CACNA2D3: variants seen among roughly 807,000 people sequenced by gnomAD.
The protein encoded by CACNA2D3 is voltage-dependent calcium channel subunit alpha-2/delta-3.
A neutral mutation model predicts 160.6 loss-of-function variants in CACNA2D3; 60 were observed. The ratio of observed to expected loss-of-function variants is 0.37; its 90% confidence interval spans 0.30 to 0.46. The LOEUF (loss-of-function observed/expected upper bound fraction) is 0.46, where lower values mean the gene tolerates loss of function less well. CACNA2D3 is among the 20% of genes least tolerant of loss of function. The probability of loss-of-function intolerance (pLI) is 1.00; values close to 1 mark genes in which losing one functional copy is unlikely to be tolerated. For synonymous variants in CACNA2D3, 558 were observed against 492.9 expected (o/e 1.13, Z -1.75); for missense variants, 1,205 against 1,365.0 (o/e 0.88, Z 1.85).
chr3:55,008,489 A>G (rs1242797789), intron 33 of CACNA2D3, among the ~76,000 whole-genome samples: 1 of 152,188 alleles, frequency 6.6e-6, no homozygotes, highest in Admixed American at 6.5e-5. Flanking sequence ...AAACTCTCTC[A>G]TTCTTATTTC....
In CACNA2D3 at chr3:54,752,789, A is replaced by G. The variant is rs766528798; in HGVS notation, c.1246+112A>G. On this transcript the variant is annotated intron_variant, in intron 12 of 37. Transcript: ENST00000474759. ...AATAATTCTAAGATAAAGTCTGGGT[A>G]TATCTAAGTGATTACTGATAGACTT... The G allele has an allele frequency of 1.1e-4, 83 of 722,908 alleles. No homozygotes were observed. In the Middle Eastern group the frequency reaches 3.6e-3, roughly 31 times the overall value. The allele number at this position is 722,908 out of a possible 1,614,324, so 44.8% of individuals were successfully genotyped here.
intron 27 of CACNA2D3, among the ~76,000 whole-genome samples, chr3:54,947,290 C>A (rs1701640380): frequency 6.6e-6 from 1 of 152,056 alleles, no homozygotes; most frequent in South Asian, 2.1e-4. Flanking sequence ...TTCCAGTAGA[C>A]CAAGAAACAG....
chr3:54,490,660 G>T (rs1296823529), intron 4 of CACNA2D3, among the ~76,000 whole-genome samples: 1 of 152,220 alleles, frequency 6.6e-6, no homozygotes, highest in Non-Finnish European at 1.5e-5. Flanking sequence ...CTCCACAGAT[G>T]CTGGGAAGGA....
intron 2 of CACNA2D3, among the ~76,000 whole-genome samples, chr3:54,292,417 A>G (rs1028930590): frequency 1.3e-5 from 2 of 152,232 alleles, no homozygotes; most frequent in Admixed American, 6.5e-5. Context: ...GAAAATATTT[A>G]GAAATTATAT....
At chr3:55,060,287 A>G (rs371860130) in intron 35 of CACNA2D3, among the ~76,000 whole-genome samples, 2 of 152,182 alleles carry the variant, frequency 1.3e-5, no homozygotes, top group East Asian at 3.9e-4. Flanking sequence ...CATTTTAGGT[A>G]AAGACTATCA....
chr3:54,978,347 A>G (rs1442889249), intron 29 of CACNA2D3, among the ~76,000 whole-genome samples: 2 of 152,144 alleles, frequency 1.3e-5, no homozygotes, highest in African/African-American at 4.8e-5. Context: ...AGGGATAAAG[A>G]TGCATCTTCT....
intron 4 of CACNA2D3, among the ~76,000 whole-genome samples, chr3:54,497,999 G>T (rs1230275808): frequency 6.7e-6 from 1 of 148,450 alleles, no homozygotes; most frequent in African/African-American, 2.5e-5. Flanking sequence ...TTAAAATTTT[G>T]TTAAGATTTT....
intron 11 of CACNA2D3, among the ~76,000 whole-genome samples, chr3:54,729,222 C>T (rs1701336934): frequency 6.6e-6 from 1 of 152,108 alleles, no homozygotes; most frequent in Admixed American, 6.5e-5. Context: ...CACCCAGCCT[C>T]ATATTCTTCC....
At chr3:54,160,981 G>C (rs891571874) in intron 2 of CACNA2D3, among the ~76,000 whole-genome samples, 1 of 152,216 alleles carries the variant, frequency 6.6e-6, no homozygotes, top group Non-Finnish European at 1.5e-5. Context: ...AGTCCAGTGT[G>C]GGGAGGCAGC....
chr3:54,246,369 C>T (rs1435256156), intron 2 of CACNA2D3, among the ~76,000 whole-genome samples: 2 of 152,152 alleles, frequency 1.3e-5, no homozygotes, highest in African/African-American at 2.4e-5. Context: ...GATGCTCGAA[C>T]AATTTTTCCT....
intron 2 of CACNA2D3, among the ~76,000 whole-genome samples, chr3:54,196,567 A>C (rs1576992455): frequency 1.3e-5 from 2 of 152,238 alleles, no homozygotes; most frequent in African/African-American, 4.8e-5. Flanking sequence ...GACAAACGGA[A>C]TCTGGAAGAA....
At chr3:54,286,706 G>T (rs368563091) in intron 2 of CACNA2D3, among the ~76,000 whole-genome samples, 1 of 152,224 alleles carries the variant, frequency 6.6e-6, no homozygotes, top group Non-Finnish European at 1.5e-5. Context: ...ACAAAGGGAA[G>T]CGCATCAGAC....
intron 9 of CACNA2D3, among the ~76,000 whole-genome samples, chr3:54,605,916 T>C (rs541315039): frequency 4.5e-4 from 69 of 152,222 alleles, no homozygotes; most frequent in Non-Finnish European, 8.4e-4. Context: ...TTGAGTGACT[T>C]TTCTTCTGTA....
chr3:54,925,633 G>A (rs1411757062), intron 27 of CACNA2D3, among the ~76,000 whole-genome samples: 1 of 152,206 alleles, frequency 6.6e-6, no homozygotes, highest in Non-Finnish European at 1.5e-5. Flanking sequence ...GTATGCTGCA[G>A]AACAGTGCTG....
chr3:54,413,564 A>G (rs888985944), intron 4 of CACNA2D3, among the ~76,000 whole-genome samples: 8 of 151,414 alleles, frequency 5.3e-5, no homozygotes, highest in Middle Eastern at 3.4e-3. Context: ...TCTGGAACTT[A>G]AATGATATCT....
At chr3:54,130,579 A>G (rs920173778) in intron 2 of CACNA2D3, among the ~76,000 whole-genome samples, 4 of 123,538 alleles carry the variant, frequency 3.2e-5, no homozygotes, top group Admixed American at 2.3e-4. Context: ...CAGCAACCTA[A>G]TGAGGTAGGG....
At chr3:54,694,805 AT>A in intron 11 of CACNA2D3, among the ~76,000 whole-genome samples, 1 of 152,172 alleles carries the variant, frequency 6.6e-6, no homozygotes, top group South Asian at 2.1e-4. Flanking sequence ...CCTTTGTTAT[AT>A]TCTTTTTATT....
chr3:54,830,012 CGGGTTCAAGCAATTCTCTGCCTCCT>C (rs1467593383), intron 14 of CACNA2D3, among the ~76,000 whole-genome samples: 217 of 10,556 alleles, frequency 0.021, no homozygotes, highest in African/African-American at 0.17. Context: ...CTCTGCCTCC[CGGGTTCAAGCAATTCTCTGCCTCCT>C]GGGTTCAAGC....
chr3:54,966,380 C>T (rs1702150663), intron 27 of CACNA2D3, among the ~76,000 whole-genome samples: 1 of 152,208 alleles, frequency 6.6e-6, no homozygotes, highest in African/African-American at 2.4e-5. Flanking sequence ...CAGGCATTCT[C>T]TGAAATGTTC....
Sources: allele counts gnomAD v4.1 joint callset (sites outside exome capture counted in the v4.1 genomes callset), GRCh38; gene constraint gnomAD v4.1.1; transcripts MANE v1.5; gene names NCBI Gene and HGNC (gene_info 2026-07-23, HGNC 2026-07-21).